RYK: variants seen among roughly 807,000 people sequenced by gnomAD.
RYK encodes receptor like tyrosine kinase.
Under a neutral mutation model 70.2 loss-of-function variants are expected in RYK, and 21 were observed. That is an observed-to-expected ratio of 0.30 (90% confidence interval 0.21 to 0.43). The LOEUF is 0.43. RYK is among the 20% of genes least tolerant of loss of function. The pLI, the probability that RYK is intolerant of heterozygous loss-of-function variation, is 1.00. For synonymous variants in RYK, 267 were observed against 278.0 expected, an observed-to-expected ratio of 0.96 and a Z score of 0.39; for missense variants, 604 against 753.3, an observed-to-expected ratio of 0.80 and a Z score of 2.32.
intron 13 of RYK, among the ~76,000 whole-genome samples, chr3:134,160,754 C>G (rs1161612418): frequency 2.0e-5 from 3 of 152,136 alleles, no homozygotes; most frequent in Non-Finnish European, 4.4e-5. Context: ...ACTCGGGAGG[C>G]TGAAGCAGGA....
At chr3:134,179,501 C>T (rs2013218756) in intron 10 of RYK, 3 of 152,194 alleles carry the variant, frequency 2.0e-5, no homozygotes, top group Admixed American at 2.0e-4. Flanking sequence ...AGGAGTTCCA[C>T]TTTATATGCA....
chr3:134,211,990 T>A (rs557273631), intron 2 of RYK, among the ~76,000 whole-genome samples: 26 of 152,296 alleles, frequency 1.7e-4, no homozygotes, highest in African/African-American at 6.3e-4. Context: ...CTCTGGTTGA[T>A]AAATGAAAGC....
chr3:134,183,792 C>T (rs1376435459), intron 9 of RYK, among the ~76,000 whole-genome samples: 1 of 152,162 alleles, frequency 6.6e-6, no homozygotes, highest in African/African-American at 2.4e-5. Context: ...CCAAAGTACC[C>T]ACTAACAAAG....
chr3:134,193,734 C>T (rs1233753479), intron 7 of RYK, among the ~76,000 whole-genome samples: 1 of 152,138 alleles, frequency 6.6e-6, no homozygotes, highest in East Asian at 1.9e-4. Context: ...ATTTTGTTTA[C>T]TGTATAATGC....
intron 5 of RYK, among the ~76,000 whole-genome samples, chr3:134,204,601 A>G (rs1033056771): frequency 8.1e-6 from 1 of 122,936 alleles, no homozygotes; most frequent in Non-Finnish European, 1.9e-5. Context: ...CCACACACAC[A>G]CACACACACA....
chr3:134,227,055 A>T (rs935702922), intron 1 of RYK, among the ~76,000 whole-genome samples: 1 of 152,214 alleles, frequency 6.6e-6, no homozygotes. Flanking sequence ...AATCTACTAA[A>T]ATACTACTAA....
chr3:134,176,091 C>T (rs1414986140), intron 11 of RYK, 52 bp from the exon 12 acceptor site: 9 of 1,052,722 alleles, frequency 8.5e-6, no homozygotes, highest in Non-Finnish European at 1.1e-5. Flanking sequence ...AATATGATGG[C>T]ACTTTCTTAC....
chr3:134,186,514 C>T (rs1490753564), intron 9 of RYK, among the ~76,000 whole-genome samples: 2 of 152,162 alleles, frequency 1.3e-5, no homozygotes, highest in Non-Finnish European at 2.9e-5. Context: ...AGTCATGTGG[C>T]GCTATCTCTC....
intron 6 of RYK, among the ~76,000 whole-genome samples, chr3:134,202,309 C>T (rs1040090926): frequency 2.6e-5 from 4 of 152,178 alleles, no homozygotes; most frequent in African/African-American, 7.2e-5. Flanking sequence ...AATGTGTAAC[C>T]AGGTTGAGAA....
intron 10 of RYK, among the ~76,000 whole-genome samples, chr3:134,182,575 T>C (rs1298498391): frequency 1.3e-5 from 2 of 152,244 alleles, no homozygotes; most frequent in South Asian, 2.1e-4. Flanking sequence ...ACAGAAAATA[T>C]GGCAAAATGT....
At position 134,158,200 on chromosome 3, in the gene RYK, C is replaced by T; in HGVS notation, c.1777G>A (p.Val593Ile). 1.3e-6 allele frequency: 2 copies of T among 1,577,204 alleles called. No homozygotes were observed. Among genetic ancestry groups the T allele is most frequent in the Non-Finnish European group, 1.7e-6 (2 of 1,159,910 alleles). The change falls in exon 15 of 15, where the codon GTA becomes ATA. Residue 593 changes from valine (V) to isoleucine (I), a missense_variant. By Grantham distance (29) the Val-to-Ile change is conservative. Coordinates refer to ENST00000623711, the MANE Select transcript of RYK (RefSeq NM_002958.4). Reference sequence around the variant, plus strand: ...GCATGAAACTCTGTTAGGCACTGTACCAGCTGCTGAAACTTGGGCCTCTCC... The same window carrying T: ...GCATGAAACTCTGTTAGGCACTGTATCAGCTGCTGAAACTTGGGCCTCTCC... ...PEERPKFQQLVQCLTEFHAAL... is the reference protein window; with the variant it reads ...PEERPKFQQLIQCLTEFHAAL...
intron 6 of RYK, among the ~76,000 whole-genome samples, chr3:134,197,263 G>C (rs2013846838): frequency 6.6e-6 from 1 of 152,076 alleles, no homozygotes. Flanking sequence ...TAATGCAGTG[G>C]GTATAGGTCA....
At chr3:134,210,118 AC>A (rs2014342099) in intron 3 of RYK, among the ~76,000 whole-genome samples, 1 of 152,212 alleles carries the variant, frequency 6.6e-6, no homozygotes, top group South Asian at 2.1e-4. Flanking sequence ...TGTTTTTAAT[AC>A]ACCACTTTGT....
At chr3:134,158,337 C>T (rs776115658) in intron 14 of RYK, 73 bp from the exon 15 acceptor site, 9 of 811,296 alleles carry the variant, frequency 1.1e-5, no homozygotes, top group Non-Finnish European at 1.7e-5. Flanking sequence ...AGTTTGATGC[C>T]AGTTATGTTG....
intron 1 of RYK, among the ~76,000 whole-genome samples, chr3:134,241,925 G>T (rs939619628): frequency 6.6e-6 from 1 of 152,174 alleles, no homozygotes; most frequent in Non-Finnish European, 1.5e-5. Flanking sequence ...AGCAAGATAC[G>T]CTCTTCCTCC....
At chr3:134,208,579 G>A (rs182633861) in intron 4 of RYK, among the ~76,000 whole-genome samples, 16 of 152,270 alleles carry the variant, frequency 1.1e-4, no homozygotes, top group Admixed American at 1.0e-3. Context: ...CTATTCAAAT[G>A]TAGTGCAGCT....
intron 5 of RYK, among the ~76,000 whole-genome samples, chr3:134,206,585 C>T (rs1378030378): frequency 6.6e-6 from 1 of 152,060 alleles, no homozygotes; most frequent in African/African-American, 2.4e-5. Flanking sequence ...TAAGCAACTG[C>T]TGTTAATTTT....
intron 5 of RYK, 56 bp downstream of exon 5, chr3:134,207,416 G>T: frequency 9.2e-7 from 1 of 1,091,422 alleles, no homozygotes; most frequent in African/African-American, 1.6e-5. Context: ...ATGTTTATAT[G>T]CAGTCAACCA....
intron 2 of RYK, among the ~76,000 whole-genome samples, chr3:134,215,616 A>C (rs760086318): frequency 5.3e-5 from 8 of 152,192 alleles, no homozygotes; most frequent in African/African-American, 9.7e-5. Context: ...ATCTGTAAGG[A>C]CTCTCACTTG....
Sources: gnomAD v4.1 joint callset for allele counts (sites outside exome capture counted in the v4.1 genomes callset) on GRCh38, gnomAD v4.1.1 for gene constraint, MANE v1.5 for transcripts, NCBI Gene and HGNC (gene_info 2026-07-23, HGNC 2026-07-21) for gene names.